The following NTM variants were observed in gnomAD, a reference collection of about 807,000 sequenced individuals.
NTM encodes the protein IgLON family member 2.
NTM carries 13 observed loss-of-function variants against 42.1 expected under a neutral mutation model. The ratio of observed to expected loss-of-function variants is 0.31; its 90% confidence interval spans 0.20 to 0.49. NTM has a LOEUF of 0.49. Ranked by LOEUF, NTM falls within the 20% of genes least tolerant of loss-of-function variation. The probability of loss-of-function intolerance (pLI) is 0.99; values close to 1 mark genes in which losing one functional copy is unlikely to be tolerated. For missense variants in NTM, 373 were observed against 452.8 expected (o/e 0.82, Z 1.60); for synonymous variants, 187 against 179.2 (o/e 1.04, Z -0.35).
At chr11:132,171,680 T>C (rs1299949357) in intron 3 of NTM, among the ~76,000 whole-genome samples, 2 of 152,224 alleles carry the variant, frequency 1.3e-5, no homozygotes, top group Non-Finnish European at 2.9e-5. Context: ...ATTTTCTCTT[T>C]GATTCTTCAC....
At chr11:131,898,374 C>T (rs117260808) in intron 1 of NTM, among the ~76,000 whole-genome samples, 78 of 152,278 alleles carry the variant, frequency 5.1e-4, no homozygotes, top group African/African-American at 6.3e-4. Context: ...TTTATTCATT[C>T]GTTCATTAAT....
chr11:132,031,499 T>C (rs1043433082), intron 2 of NTM, among the ~76,000 whole-genome samples: 1 of 152,124 alleles, frequency 6.6e-6, no homozygotes, highest in Non-Finnish European at 1.5e-5. Flanking sequence ...AGGTAGAGTT[T>C]CGAGAATTGG....
At chr11:131,985,215 G>C (rs2065880477) in intron 2 of NTM, among the ~76,000 whole-genome samples, 2 of 152,124 alleles carry the variant, frequency 1.3e-5, no homozygotes, top group South Asian at 4.1e-4. Context: ...GGTTCAGTAG[G>C]CACTTGGTTT....
Position 132,268,661 on chromosome 11 carries a change from TC to T in NTM, c.527-39027del, listed in dbSNP as rs1565345848. On this transcript the variant is annotated intron_variant, in intron 4 of 8. Transcript: ENST00000683400. ...TGTGTGTTTGTGGTGTGGGGTCCTC[TC>T]TCTCTCTCTGTGTGTGTGTGTGTGT... 3.6e-3 allele frequency among the ~76,000 whole-genome samples: 245 copies of T among 68,724 alleles called. 1 individual carries two copies. Among genetic ancestry groups the T allele is most frequent in the East Asian group, 8.6e-3 (38 of 4,402 alleles). 45.1% of individuals were successfully genotyped at this position (68,724 alleles called of 152,430 possible). A position where few individuals can be genotyped will look rare whatever the true frequency, so the allele number is the denominator to read the frequency against.
At chr11:132,098,220 CCAAA>C (rs2061247275) in intron 2 of NTM, among the ~76,000 whole-genome samples, 1 of 152,162 alleles carries the variant, frequency 6.6e-6, no homozygotes, top group African/African-American at 2.4e-5. Context: ...CAAATCAGAG[CCAAA>C]CAGTGTAACT....
At chr11:131,794,799 G>A (rs79907203) in intron 1 of NTM, 35,386 of 985,342 alleles carry the variant, frequency 0.036, 699 homozygotes, top group Non-Finnish European at 0.039. Flanking sequence ...TACTTTGGAA[G>A]CCCCTACCTA....
intron 1 of NTM, among the ~76,000 whole-genome samples, chr11:131,457,721 T>TCC (rs112078919): frequency 0.042 from 6,322 of 151,278 alleles, 327 homozygotes; most frequent in East Asian, 0.21. Flanking sequence ...GTTTTTGTCC[T>TCC]CCCCCCCCAA....
intron 2 of NTM, among the ~76,000 whole-genome samples, chr11:131,967,263 CAGATGGAGAATAGAAG>C (rs1316226970): frequency 6.6e-6 from 1 of 152,144 alleles, no homozygotes; most frequent in Non-Finnish European, 1.5e-5. Context: ...AAGAGATCAT[CAGATGGAGAATAGAAG>C]AGGTCCAGGC....
At chr11:131,875,265 G>A (rs550940886) in intron 1 of NTM, among the ~76,000 whole-genome samples, 1 of 150,648 alleles carries the variant, frequency 6.6e-6, no homozygotes, top group South Asian at 2.1e-4. Flanking sequence ...CGTAGAGAAA[G>A]TTTCCCTACA....
chr11:132,012,545 G>GT lies in NTM; in HGVS notation c.167+100903dup, dbSNP rs528748877. On this transcript the variant is annotated intron_variant, in intron 2 of 8. Coordinates refer to ENST00000683400, the MANE Select transcript of NTM (RefSeq NM_001352005.2). ...AGACGTATAAGAAATTTCTAAACATGTTTTTTCTCTTTAGTGGTACTAATA... is the reference window on the plus strand; with the variant it reads ...AGACGTATAAGAAATTTCTAAACATGTTTTTTTCTCTTTAGTGGTACTAATA... 9.2e-5 allele frequency among the ~76,000 whole-genome samples: 14 copies of GT among 152,210 alleles called. No individual in the cohort carries two copies. In the East Asian group the frequency reaches 2.7e-3, roughly 29 times the overall value.
At chr11:131,372,015 C>T (rs1347237758) in intron 1 of NTM, among the ~76,000 whole-genome samples, 1 of 152,146 alleles carries the variant, frequency 6.6e-6, no homozygotes, top group African/African-American at 2.4e-5. Context: ...CCTCTTCTCC[C>T]CCTGCAATAT....
At chr11:131,577,298 A>C (rs929942881) in intron 1 of NTM, among the ~76,000 whole-genome samples, 3 of 152,210 alleles carry the variant, frequency 2.0e-5, no homozygotes, top group African/African-American at 7.2e-5. Flanking sequence ...AAAAATGACA[A>C]GGATTCTTTG....
intron 1 of NTM, among the ~76,000 whole-genome samples, chr11:131,623,048 C>T (rs1565341746): frequency 1.3e-5 from 2 of 152,216 alleles, no homozygotes; most frequent in Admixed American, 6.5e-5. Context: ...AACTCACCTG[C>T]TTAGGAGACC....
At chr11:132,205,427 G>T (rs2138547882) in intron 3 of NTM, among the ~76,000 whole-genome samples, 1 of 152,300 alleles carries the variant, frequency 6.6e-6, no homozygotes, top group African/African-American at 2.4e-5. Context: ...AAGTTCCTCA[G>T]AATACTGTTT....
chr11:131,458,018 T>C (rs1220446532), intron 1 of NTM, among the ~76,000 whole-genome samples: 1 of 152,196 alleles, frequency 6.6e-6, no homozygotes, highest in Non-Finnish European at 1.5e-5. Context: ...CACAGTATTC[T>C]GTTATAGAAG....
chr11:131,387,805 C>A (rs1272000489), intron 1 of NTM, among the ~76,000 whole-genome samples: 1 of 152,046 alleles, frequency 6.6e-6, no homozygotes, highest in Non-Finnish European at 1.5e-5. Context: ...CCCACTCCCC[C>A]CTTAAAAAAA....
chr11:132,014,746 T>TG (rs1480400791), intron 2 of NTM, among the ~76,000 whole-genome samples: 1 of 144,650 alleles, frequency 6.9e-6, no homozygotes, highest in Non-Finnish European at 1.5e-5. Flanking sequence ...GTTTTTTTTT[T>TG]TTTTTTTTTT....
At chr11:131,669,437 G>A (rs1235959757) in intron 1 of NTM, among the ~76,000 whole-genome samples, 2 of 152,228 alleles carry the variant, frequency 1.3e-5, no homozygotes, top group East Asian at 3.9e-4. Context: ...GTGCATGTGA[G>A]ATACTTAGCA....
intron 1 of NTM, among the ~76,000 whole-genome samples, chr11:131,901,064 G>A (rs1280167743): frequency 1.3e-5 from 2 of 152,192 alleles, no homozygotes; most frequent in Non-Finnish European, 2.9e-5. Context: ...ATAATCAGTA[G>A]CAACCATTTG....
Sources: gnomAD v4.1 joint callset for allele counts (sites outside exome capture counted in the v4.1 genomes callset) on GRCh38, gnomAD v4.1.1 for gene constraint, MANE v1.5 for transcripts, NCBI Gene and HGNC (gene_info 2026-07-23, HGNC 2026-07-21) for gene names.